The following PLEKHO2 variants were observed in gnomAD, a reference collection of about 807,000 sequenced individuals.
PLEKHO2 encodes pleckstrin homology domain containing O2.
A neutral mutation model predicts 32.7 loss-of-function variants in PLEKHO2; 20 were observed. The ratio of observed to expected loss-of-function variants is 0.61; its 90% CI spans 0.43 to 0.89. The LOEUF (loss-of-function observed/expected upper bound fraction) is 0.89, where lower values mean the gene tolerates loss of function less well. Ranked by LOEUF, PLEKHO2 falls within the 40% of genes least tolerant of loss-of-function variation. The pLI, the probability that PLEKHO2 is intolerant of heterozygous loss-of-function variation, is 0.00. For synonymous variants in PLEKHO2, 247 were observed against 246.3 expected, an observed-to-expected ratio of 1.00 and a Z score of -0.03; for missense variants, 568 against 621.2, an observed-to-expected ratio of 0.91 and a Z score of 0.91.
chr15:64,860,545 A>G (rs1475371709), intron 4 of PLEKHO2, among the ~76,000 whole-genome samples: 3 of 152,238 alleles, frequency 2.0e-5, no homozygotes. Flanking sequence ...TCTCCTAGGA[A>G]GATTTGTCTT....
intron 3 of PLEKHO2, among the ~76,000 whole-genome samples, chr15:64,857,023 C>T (rs970378346): frequency 3.3e-5 from 5 of 152,232 alleles, no homozygotes; most frequent in Non-Finnish European, 5.9e-5. Flanking sequence ...CCCCACACCC[C>T]TGCCCATGAG....
chr15:64,842,396 G>C (rs1463024175), intron 1 of PLEKHO2, among the ~76,000 whole-genome samples: 2 of 149,908 alleles, frequency 1.3e-5, no homozygotes, highest in African/African-American at 2.4e-5. Context: ...CTCTCTGTGT[G>C]TGTGTGTGTG....
In PLEKHO2 at chr15:64,864,926, C is replaced by T; in HGVS notation, c.511C>T (p.Leu171=). The change falls in exon 6 of 6, where the codon CTG becomes TTG. Residue 171 remains leucine, a synonymous_variant. Transcript: ENST00000323544. Reference sequence around the variant, plus strand: ...GGCCAGTGCAGCTTCTGACGGTCTTCTGCGCCTGGATCTTGATGTTCCGGA... The same window carrying T: ...GGCCAGTGCAGCTTCTGACGGTCTTTTGCGCCTGGATCTTGATGTTCCGGA... ...EVASAASDGL[L]RLDLDVPDSG... The T allele has an allele frequency of 6.2e-7, 1 of 1,612,024 alleles. No homozygotes were observed. Among genetic ancestry groups the T allele is most frequent in the Non-Finnish European group, 8.5e-7 (1 of 1,178,558 alleles).
chr15:64,865,511 C>G lies in PLEKHO2; in HGVS notation c.1096C>G (p.Pro366Ala). 2 of 1,614,038 alleles carry G rather than the reference C, an allele frequency of 1.2e-6. No individual in the cohort carries two copies. The highest frequency in any genetic ancestry group is 1.7e-6 in the Non-Finnish European group (2 of 1,180,020). ...GGCTGAGGGCACCCCAGGAACTCCT[C>G]CAAAGGATGCAACAACATCCACAGC... ...SQAEGTPGTP[P>A]KDATTSTALP... is the part of the protein sequence containing the mutation. The change falls in exon 6 of 6, where the codon CCA becomes GCA. Residue 366 changes from proline (P) to alanine (A), a missense_variant. Physicochemically the swap from Pro to Ala is conservative, Grantham distance 27 (BLOSUM62 -1). Transcript: ENST00000323544.
At position 64,865,299 on chromosome 15, in the gene PLEKHO2, G is replaced by A; in HGVS notation, c.884G>A (p.Cys295Tyr). 1.9e-6 allele frequency: 3 copies of A among 1,613,812 alleles called. No homozygotes were observed. Among genetic ancestry groups the A allele is most frequent in the South Asian group, 2.2e-5 (2 of 91,066 alleles). Residue 295 changes from cysteine to tyrosine, a missense_variant, in exon 6 of 6, where the codon TGT (cysteine) becomes TAT (tyrosine). Cys to Tyr is a radical substitution (Grantham distance 194, BLOSUM62 -2). Coordinates refer to ENST00000323544, the MANE Select transcript of PLEKHO2 (RefSeq NM_025201.5). ...AGTGCAGAACCGTCCCAGGCACCCTGTTCTGAGACTTCTGAGGCTGCCCCC... is the reference window on the plus strand; with the variant it reads ...AGTGCAGAACCGTCCCAGGCACCCTATTCTGAGACTTCTGAGGCTGCCCCC... ...AESAEPSQAP[C>Y]SETSEAAPRE...
intron 1 of PLEKHO2, among the ~76,000 whole-genome samples, chr15:64,842,240 C>G (rs992807133): frequency 6.6e-6 from 1 of 152,262 alleles, no homozygotes; most frequent in Non-Finnish European, 1.5e-5. Context: ...GACTTTCTCA[C>G]CAGTTGTGGG....
intron 1 of PLEKHO2, among the ~76,000 whole-genome samples, chr15:64,845,214 C>CTTTTTTTTTTTTT (rs771584682): frequency 8.2e-6 from 1 of 121,288 alleles, no homozygotes; most frequent in Admixed American, 8.8e-5. Flanking sequence ...GACCTGGCTT[C>CTTTTTTTTTTTTT]TTTTTTTTTT....
chr15:64,866,694 G>A lies in PLEKHO2; in HGVS notation c.*806G>A. The A allele has an allele frequency of 4.9e-6, 1 of 203,900 alleles. No homozygotes were observed. The highest frequency in any genetic ancestry group is 7.2e-5 in the South Asian group (1 of 13,892). 12.6% of individuals were successfully genotyped at this position (203,900 alleles called of 1,614,324 possible). A position where few individuals can be genotyped will look rare whatever the true frequency, so the allele number is the denominator to read the frequency against. On this transcript the variant is annotated 3_prime_UTR_variant, in exon 6 of 6. Coordinates refer to ENST00000323544, the MANE Select transcript of PLEKHO2 (RefSeq NM_025201.5). ...GTGTCCAGCCTTGTATATTTCTGAA[G>A]AGGTGGATCCCAGAGTGGCTCTGAT...
chr15:64,865,338 A>G lies in PLEKHO2; in HGVS notation c.923A>G (p.Lys308Arg). 6.2e-7 allele frequency: 1 copy of G among 1,613,880 alleles called. No individual in the cohort carries two copies. Among genetic ancestry groups the G allele is most frequent in the East Asian group, 2.2e-5 (1 of 44,884 alleles). Residue 308 changes from lysine to arginine, a missense_variant, in exon 6 of 6, where the codon AAG becomes AGG. By Grantham distance (26) the Lys-to-Arg change is conservative (BLOSUM62 2). Coordinates refer to ENST00000323544, the MANE Select transcript of PLEKHO2 (RefSeq NM_025201.5). Reference protein sequence around the residue: ...TSEAAPREGGKPPTPPPKILS... With the variant: ...TSEAAPREGGRPPTPPPKILS... ...GAGGCTGCCCCCAGGGAGGGTGGGAAGCCCCCTACACCCCCACCCAAGATC... is the reference window on the plus strand; with the variant it reads ...GAGGCTGCCCCCAGGGAGGGTGGGAGGCCCCCTACACCCCCACCCAAGATC...
chr15:64,853,964 TG>T (rs1274926415), intron 2 of PLEKHO2, among the ~76,000 whole-genome samples: 3 of 152,196 alleles, frequency 2.0e-5, no homozygotes, highest in Non-Finnish European at 4.4e-5. Flanking sequence ...CTTAACTTTT[TG>T]GCCCGTCCCA....
chr15:64,853,584 G>T (rs1024068512), intron 2 of PLEKHO2, among the ~76,000 whole-genome samples: 1 of 152,070 alleles, frequency 6.6e-6, no homozygotes, highest in Admixed American at 6.6e-5. Flanking sequence ...GTGAGCCACC[G>T]CACCCAGCCG....
intron 3 of PLEKHO2, 86 bp downstream of exon 3, chr15:64,855,123 C>T (rs2084598522): frequency 2.8e-6 from 3 of 1,075,414 alleles, no homozygotes; most frequent in Admixed American, 2.1e-5. Flanking sequence ...AGGCCTGGCC[C>T]CTTGAAAAAG....
chr15:64,847,355 C>A (rs1457715010), intron 1 of PLEKHO2, among the ~76,000 whole-genome samples: 1 of 152,114 alleles, frequency 6.6e-6, no homozygotes, highest in Non-Finnish European at 1.5e-5. Flanking sequence ...TAAATTATAA[C>A]GTAGTCAAAA....
chr15:64,863,513 G>C (rs1056254353), intron 5 of PLEKHO2, among the ~76,000 whole-genome samples: 5 of 105,914 alleles, frequency 4.7e-5, no homozygotes, highest in Non-Finnish European at 9.2e-5. Flanking sequence ...CTGTGTGTGT[G>C]TGTGTTTGTG....
At chr15:64,848,888 C>A in intron 2 of PLEKHO2, 146 bp downstream of exon 2, 1 of 909,720 alleles carries the variant, frequency 1.1e-6, no homozygotes, top group Non-Finnish European at 1.7e-6. Context: ...AGTACCTAAT[C>A]CTCTCTTGGG....
Position 64,864,920 on chromosome 15 carries a change from G to C in PLEKHO2, c.505G>C (p.Gly169Arg), listed in dbSNP as rs760902437. ...CCAGGTGGCCAGTGCAGCTTCTGACGGTCTTCTGCGCCTGGATCTTGATGT... is the reference window on the plus strand; with the variant it reads ...CCAGGTGGCCAGTGCAGCTTCTGACCGTCTTCTGCGCCTGGATCTTGATGT... ...LKEVASAASDGLLRLDLDVPD... is the reference protein window; with the variant it reads ...LKEVASAASDRLLRLDLDVPD... Residue 169 changes from glycine (G) to arginine (R), a missense_variant, in exon 6 of 6, where the codon GGT (glycine) becomes CGT (arginine). Physicochemically the swap from Gly to Arg is moderately radical, Grantham distance 125. Coordinates refer to ENST00000323544, the MANE Select transcript of PLEKHO2 (RefSeq NM_025201.5). 1.2e-6 allele frequency: 2 copies of C among 1,609,994 alleles called. No individual in the cohort carries two copies. The highest frequency in any genetic ancestry group is 1.3e-5 in the African/African-American group (1 of 74,804).
chr15:64,843,702 T>A (rs968285044), intron 1 of PLEKHO2, among the ~76,000 whole-genome samples: 6 of 151,712 alleles, frequency 4.0e-5, no homozygotes, highest in Non-Finnish European at 8.8e-5. Flanking sequence ...TGCCTCAGCC[T>A]CCTGAATAGC....
intron 2 of PLEKHO2, among the ~76,000 whole-genome samples, chr15:64,853,655 C>G (rs913209219): frequency 2.0e-5 from 3 of 152,162 alleles, no homozygotes; most frequent in Admixed American, 1.3e-4. Flanking sequence ...AGGTCCCAAC[C>G]TTGGAGGACC....
At chr15:64,851,333 A>G (rs2084566991) in intron 2 of PLEKHO2, among the ~76,000 whole-genome samples, 1 of 152,226 alleles carries the variant, frequency 6.6e-6, no homozygotes, top group South Asian at 2.1e-4. Flanking sequence ...TTCAGCTGTC[A>G]GCCTGTCAGG....
Sources: allele counts gnomAD v4.1 joint callset (sites outside exome capture counted in the v4.1 genomes callset), GRCh38; gene constraint gnomAD v4.1.1; transcripts MANE v1.5; gene names NCBI Gene and HGNC (gene_info 2026-07-23, HGNC 2026-07-21).